Variants in ACER1 observed in about 807,000 individuals in gnomAD.
The protein encoded by ACER1 is alkaline ceramidase 1, also known as CTB-180A7.3.
A neutral mutation model predicts 24.9 loss-of-function variants in ACER1; 28 were observed. The observed-to-expected ratio is 1.13, with a 90% confidence interval of 0.83 to 1.54. ACER1 has a LOEUF of 1.54. ACER1 is among the 40% of genes most tolerant of loss of function. ACER1 has a pLI of 0.00. For missense variants in ACER1, 352 were observed against 349.3 expected, an observed-to-expected ratio of 1.01 and a Z score of -0.06; for synonymous variants, 132 against 131.4, an observed-to-expected ratio of 1.00 and a Z score of -0.03.
In ACER1 at chr19:6,331,429, G is replaced by A. The variant is rs573563757; in HGVS notation, c.93+2030C>T. Among the ~76,000 whole-genome samples the A allele has an allele frequency of 1.6e-4, 22 of 136,922 alleles. No homozygotes were observed. The South Asian group carries it at 4.2e-3, about 26-fold the overall frequency. 89.8% of individuals were successfully genotyped at this position (136,922 alleles called of 152,430 possible). A position where few individuals can be genotyped will look rare whatever the true frequency, so the allele number is the denominator to read the frequency against. ...CTCCCAAAGTGCTGGGATTACAGGC[G>A]TGAGCCATAGCACCCAGCCAGCAAG... On this transcript the variant is annotated intron_variant, in intron 1 of 5. Transcript: ENST00000301452.
chr19:6,307,303 G>A lies in ACER1; in HGVS notation c.489-13C>T, dbSNP rs2144993507. The A allele has an allele frequency of 1.2e-6, 2 of 1,613,624 alleles. No homozygotes were observed. Among genetic ancestry groups the A allele is most frequent in the Non-Finnish European group, 1.7e-6 (2 of 1,179,934 alleles). On this transcript the variant is annotated splice_polypyrimidine_tract_variant and intron_variant, in intron 4 of 5. Coordinates refer to ENST00000301452, the MANE Select transcript of ACER1 (RefSeq NM_133492.3). ...CTTATTGCTGGTCCTAGAGAGGGGAGAGGGGGACCAGGGGCTGGCTCGGAG... is the reference window on the plus strand; with the variant it reads ...CTTATTGCTGGTCCTAGAGAGGGGAAAGGGGGACCAGGGGCTGGCTCGGAG...
At chr19:6,356,439 C>T in the ACER1 span, among the ~76,000 whole-genome samples, 1 of 149,678 alleles carries the variant, frequency 6.7e-6, no homozygotes, top group South Asian at 2.1e-4. Context: ...CCAAATCCCC[C>T]TCTGCGAGAA....
chr19:6,339,278 A>G, the ACER1 span, among the ~76,000 whole-genome samples: 4 of 152,248 alleles, frequency 2.6e-5, no homozygotes, highest in Non-Finnish European at 5.9e-5. Context: ...AATATTATTC[A>G]GCCCTGAAAA....
At chr19:6,311,641 A>T (rs1239113340) in intron 3 of ACER1, among the ~76,000 whole-genome samples, 1 of 149,742 alleles carries the variant, frequency 6.7e-6, no homozygotes, top group African/African-American at 2.5e-5. Flanking sequence ...GAGAAGAAGA[A>T]GAAGAAGGAG....
chr19:6,356,315 C>T, the ACER1 span, among the ~76,000 whole-genome samples: 1 of 148,892 alleles, frequency 6.7e-6, no homozygotes, highest in African/African-American at 2.5e-5. Context: ...ATCTCAAGTA[C>T]CCAGGGACAC....
rs1261358814 is a variant in ACER1 at position 6,319,907 on chromosome 19, T to C, written c.94-7408A>G. ...TGGGCAGATCACTTGAGGTCAGGAG[T>C]TCAAGACCAGCCTGGCCGACATGGA... On this transcript the variant is annotated intron_variant, in intron 1 of 5. Coordinates refer to ENST00000301452, the MANE Select transcript of ACER1 (RefSeq NM_133492.3). 2.0e-5 allele frequency among the ~76,000 whole-genome samples: 3 copies of C among 150,974 alleles called. No individual in the cohort carries two copies. The East Asian group carries it at 5.9e-4, about 29-fold the overall frequency.
At chr19:6,339,355 A>C in the ACER1 span, among the ~76,000 whole-genome samples, 1 of 152,168 alleles carries the variant, frequency 6.6e-6, no homozygotes, top group Non-Finnish European at 1.5e-5. Flanking sequence ...GGGTGAAATA[A>C]GCCAGACATA....
rs534137016 is a variant in ACER1, at chr19:6,313,406, C to A, written c.94-907G>T. ...GTGTTGAAATTACAGGTATGAACCA[C>A]TGCACCCAGCCCCTTTTCCTGTAAA... On this transcript the variant is annotated intron_variant, in intron 1 of 5. Coordinates refer to ENST00000301452, the MANE Select transcript of ACER1 (RefSeq NM_133492.3). 6.8e-4 allele frequency among the ~76,000 whole-genome samples: 103 copies of A among 152,352 alleles called. 2 individuals carry two copies. The highest frequency in any genetic ancestry group is 2.4e-3 in the African/African-American group (98 of 41,592).
chr19:6,356,074 T>C, the ACER1 span, among the ~76,000 whole-genome samples: 3 of 151,476 alleles, frequency 2.0e-5, no homozygotes, highest in African/African-American at 7.4e-5. Flanking sequence ...ATGGTTGCCA[T>C]GTCTGTGTAG....
chr19:6,355,239 C>T, the ACER1 span, among the ~76,000 whole-genome samples: 3 of 151,958 alleles, frequency 2.0e-5, no homozygotes, highest in Non-Finnish European at 2.9e-5. Context: ...TCTGCCCGGC[C>T]GCCACCCTGT....
At chr19:6,358,124 C>T in the ACER1 span, among the ~76,000 whole-genome samples, 4 of 152,130 alleles carry the variant, frequency 2.6e-5, no homozygotes, top group South Asian at 4.1e-4. Flanking sequence ...CTGGGGCAAC[C>T]GGCCGGGCAG....
At chr19:6,316,176 G>C (rs1474440288) in intron 1 of ACER1, among the ~76,000 whole-genome samples, 1 of 152,192 alleles carries the variant, frequency 6.6e-6, no homozygotes, top group African/African-American at 2.4e-5. Flanking sequence ...GTTCATGCCT[G>C]TGATTCCAGC....
Position 6,312,308 on chromosome 19 carries a change from G to A in ACER1, c.209-18C>T, listed in dbSNP as rs769782281. The A allele has an allele frequency of 1.7e-5, 27 of 1,613,784 alleles. No homozygotes were observed. In the African/African-American group the frequency reaches 2.9e-4, roughly 18 times the overall value. ...GAACAGGCCTGCAGCGGCAAGGGCA[G>A]GCGGTCAGTGGGGTCCGCCACCTCC... On this transcript the variant is annotated intron_variant, in intron 2 of 5. Coordinates refer to ENST00000301452, the MANE Select transcript of ACER1 (RefSeq NM_133492.3).
intron 1 of ACER1, among the ~76,000 whole-genome samples, chr19:6,330,920 C>G (rs996084078): frequency 1.3e-5 from 2 of 149,628 alleles, no homozygotes. Context: ...ACCTGAGCCT[C>G]GGACTCTCCT....
At chr19:6,336,231 C>G (rs1006048560), upstream of ACER1, among the ~76,000 whole-genome samples, 5 of 152,056 alleles carry the variant, frequency 3.3e-5, no homozygotes, top group South Asian at 1.0e-3. Context: ...GGGTCTTGCT[C>G]TGTTGCCCAA....
At chr19:6,346,971 T>C in the ACER1 span, among the ~76,000 whole-genome samples, 4 of 151,118 alleles carry the variant, frequency 2.6e-5, no homozygotes, top group African/African-American at 4.9e-5. Flanking sequence ...TCTAAAAAGA[T>C]GTGTTGCAGA....
intron 1 of ACER1, among the ~76,000 whole-genome samples, chr19:6,317,261 A>C (rs1373539090): frequency 6.6e-6 from 1 of 152,190 alleles, no homozygotes; most frequent in Non-Finnish European, 1.5e-5. Flanking sequence ...GGCGTGAGCC[A>C]CTGCACCCAG....
chr19:6,341,612 G>C, the ACER1 span, among the ~76,000 whole-genome samples: 38 of 149,014 alleles, frequency 2.6e-4, no homozygotes, highest in African/African-American at 7.8e-4. Context: ...GTTTTCTTTT[G>C]TTTTGTTTTG....
the ACER1 span, among the ~76,000 whole-genome samples, chr19:6,350,887 G>A: frequency 6.6e-6 from 1 of 152,304 alleles, no homozygotes; most frequent in East Asian, 1.9e-4. Flanking sequence ...GCAGCCAGGT[G>A]TGGCCATGTG....
Sources: allele counts gnomAD v4.1 joint callset (sites outside exome capture counted in the v4.1 genomes callset), GRCh38; gene constraint gnomAD v4.1.1; transcripts MANE v1.5; gene names NCBI Gene and HGNC (gene_info 2026-07-23, HGNC 2026-07-21).